DGKH: variants seen among roughly 807,000 people sequenced by gnomAD.
DGKH encodes diacylglycerol kinase eta.
DGKH carries 90 observed loss-of-function variants against 159.3 expected under a neutral mutation model. The ratio of observed to expected loss-of-function variants is 0.57; its 90% CI spans 0.48 to 0.67. The LOEUF (loss-of-function observed/expected upper bound fraction) is 0.67. Ranked by LOEUF, DGKH falls within the 30% of genes least tolerant of loss-of-function variation. The probability of loss-of-function intolerance (pLI) is 0.00; values close to 1 mark genes in which losing one functional copy is unlikely to be tolerated. For missense variants in DGKH, 1,181 were observed against 1,506.1 expected (o/e 0.78, Z 3.57); for synonymous variants, 536 against 553.8 (o/e 0.97, Z 0.45).
At chr13:42,141,936 T>C (rs9525578) in intron 3 of DGKH, among the ~76,000 whole-genome samples, 54,535 of 150,762 alleles carry the variant, frequency 0.36, 10,730 homozygotes, top group South Asian at 0.44. Flanking sequence ...TTTGTTGCCA[T>C]TGCTTTTGGT....
intron 1 of DGKH, among the ~76,000 whole-genome samples, chr13:42,123,084 G>A (rs185654943): frequency 2.6e-4 from 40 of 152,290 alleles, no homozygotes; most frequent in Admixed American, 2.2e-3. Flanking sequence ...AAAAGCCAAC[G>A]TAGAGGACTG....
At chr13:42,170,407 T>C (rs1056344765) in intron 11 of DGKH, among the ~76,000 whole-genome samples, 1 of 152,068 alleles carries the variant, frequency 6.6e-6, no homozygotes, top group Non-Finnish European at 1.5e-5. Flanking sequence ...AGTGAGACCC[T>C]GTCTCAAAAA....
intron 29 of DGKH, among the ~76,000 whole-genome samples, chr13:42,224,342 A>G (rs571065487): frequency 6.6e-6 from 1 of 152,162 alleles, no homozygotes; most frequent in South Asian, 2.1e-4. Flanking sequence ...TTTTTTGTCC[A>G]TCTTCCCCTA....
chr13:42,165,662 T>C (rs1051241838), intron 8 of DGKH, among the ~76,000 whole-genome samples: 1 of 152,160 alleles, frequency 6.6e-6, no homozygotes, highest in Non-Finnish European at 1.5e-5. Context: ...ATAAGACTTC[T>C]AGATTTTATG....
chr13:42,059,606 T>C (rs942309927), intron 1 of DGKH, among the ~76,000 whole-genome samples: 4 of 152,112 alleles, frequency 2.6e-5, no homozygotes, highest in Admixed American at 2.0e-4. Context: ...TTGGAGGTGG[T>C]AGTGGAAATA....
chr13:42,124,333 A>G (rs947229301), intron 1 of DGKH, among the ~76,000 whole-genome samples: 1 of 152,184 alleles, frequency 6.6e-6, no homozygotes, highest in Non-Finnish European at 1.5e-5. Context: ...TTAGAAATTT[A>G]TATCATTTAT....
intron 3 of DGKH, among the ~76,000 whole-genome samples, chr13:42,142,780 C>T (rs1955602198): frequency 6.6e-6 from 1 of 152,164 alleles, no homozygotes; most frequent in African/African-American, 2.4e-5. Flanking sequence ...TGCCTATCAC[C>T]TTAAGGAGAT....
chr13:42,163,109 G>A (rs1287405577), intron 7 of DGKH, among the ~76,000 whole-genome samples: 12 of 149,152 alleles, frequency 8.0e-5, no homozygotes, highest in Non-Finnish European at 1.5e-4. Flanking sequence ...GAGAACATGC[G>A]GTGTTTGGTT....
Position 42,217,605 on chromosome 13 carries a change from CA to C in DGKH, c.3214-1615del, listed in dbSNP as rs113023143. Among the ~76,000 whole-genome samples the C allele has an allele frequency of 3.1e-4, 46 of 148,344 alleles. No individual in the cohort carries two copies. The East Asian group carries it at 3.3e-3, about 11-fold the overall frequency. On this transcript the variant is annotated intron_variant, in intron 26 of 29. Transcript: ENST00000337343. ...AGATACTGTGAATAACAAGGGGAAA[CA>C]AAAAAAAAAGTTCATAATAACAGTA...
At chr13:42,089,064 A>G (rs1954364379) in intron 1 of DGKH, among the ~76,000 whole-genome samples, 2 of 152,220 alleles carry the variant, frequency 1.3e-5, no homozygotes. Context: ...CATCAAGAAG[A>G]TCTAATATCC....
At chr13:42,203,248 GAGGTAGGTATTATTATTCAGT>G (rs1321542182) in intron 20 of DGKH, among the ~76,000 whole-genome samples, 1 of 152,200 alleles carries the variant, frequency 6.6e-6, no homozygotes, top group Non-Finnish European at 1.5e-5. Context: ...AACAACTCAT[GAGGTAGGTATTATTATTCAGT>G]TCGGAAGAGT....
downstream of DGKH, among the ~76,000 whole-genome samples, chr13:42,247,473 C>T (rs1295449409): frequency 1.3e-5 from 2 of 152,050 alleles, no homozygotes; most frequent in African/African-American, 2.4e-5. Context: ...TCAAGCAATC[C>T]GCCTGCCTTG....
rs1391420233 is a variant in DGKH, at chr13:42,199,920, C to T, written c.2493+11C>T. 8 of 1,586,530 alleles carry T rather than the reference C, an allele frequency of 5.0e-6. No individual in the cohort carries two copies. In the African/African-American group the frequency reaches 9.5e-5, roughly 19 times the overall value. ...AGGGTTCAACTTGAGGTAAGTTCAT[C>T]TTAAAGTAAAGATATTTCATATTAT... On this transcript the variant is annotated intron_variant, in intron 20 of 29. Transcript: ENST00000337343.
At chr13:42,119,101 T>C (rs1216915813) in intron 1 of DGKH, among the ~76,000 whole-genome samples, 1 of 152,208 alleles carries the variant, frequency 6.6e-6, no homozygotes, top group African/African-American at 2.4e-5. Context: ...TTAGGAATTA[T>C]GGGCTGCCTA....
intron 3 of DGKH, 46 bp from the exon 4 acceptor site, chr13:42,155,245 T>C: frequency 6.9e-7 from 1 of 1,445,580 alleles, no homozygotes; most frequent in Non-Finnish European, 9.4e-7. Context: ...GCAACAATCT[T>C]TCTCTTTGGG....
At position 42,229,980 on chromosome 13, in the gene DGKH, T is replaced by C. The variant is rs1958245743; in HGVS notation, c.*792T>C. ...GTGTGTCTGTGCCATAATCAACAAA[T>C]GATATACATCACATGCAAGTCAATT... is the stretch of plus-strand genomic sequence containing the variant. On this transcript the variant is annotated 3_prime_UTR_variant, in exon 30 of 30. Transcript: ENST00000337343. 1 of 152,198 alleles carries C rather than the reference T, an allele frequency of 6.6e-6. No individual in the cohort carries two copies. Among genetic ancestry groups the C allele is most frequent in the Non-Finnish European group, 1.5e-5 (1 of 68,022 alleles). 9.4% of individuals were successfully genotyped at this position (152,198 alleles called of 1,614,324 possible).
intron 27 of DGKH, 109 bp downstream of exon 27, chr13:42,219,458 C>A: frequency 6.9e-7 from 1 of 1,448,194 alleles, no homozygotes. Flanking sequence ...TTGAATACTA[C>A]TTTCAAATGT....
intron 7 of DGKH, 73 bp from the exon 8 acceptor site, chr13:42,165,258 G>C: frequency 1.4e-6 from 1 of 731,182 alleles, no homozygotes; most frequent in South Asian, 3.2e-5. Flanking sequence ...TAGATTATCA[G>C]TTCCTTAGAT....
chr13:42,099,116 C>T (rs1013661581), intron 1 of DGKH, among the ~76,000 whole-genome samples: 15 of 152,136 alleles, frequency 9.9e-5, no homozygotes, highest in African/African-American at 2.4e-4. Flanking sequence ...CTCATCTTCT[C>T]GCCCACACTA....
Sources: gnomAD v4.1 joint callset for allele counts (sites outside exome capture counted in the v4.1 genomes callset) on GRCh38, gnomAD v4.1.1 for gene constraint, MANE v1.5 for transcripts, NCBI Gene and HGNC (gene_info 2026-07-23, HGNC 2026-07-21) for gene names.